Variants in PLAG1 observed in about 807,000 individuals in gnomAD.
PLAG1 encodes zinc finger protein PLAG1.
In PLAG1, 7 loss-of-function variants were observed where a neutral mutation model predicts 35.5. The observed-to-expected ratio is 0.20, with a 90% CI of 0.11 to 0.37. PLAG1 has a LOEUF of 0.37. PLAG1 is among the 10% of genes least tolerant of loss of function. The pLI, the probability that PLAG1 is intolerant of heterozygous loss-of-function variation, is 1.00. For synonymous variants in PLAG1, 229 were observed against 225.4 expected (o/e 1.02, Z -0.14); for missense variants, 454 against 602.8 (o/e 0.75, Z 2.58).
intron 1 of PLAG1, among the ~76,000 whole-genome samples, chr8:56,204,399 A>G (rs1812642425): frequency 6.6e-6 from 1 of 151,890 alleles, no homozygotes; most frequent in Non-Finnish European, 1.5e-5. Context: ...GAACTATCTT[A>G]AGTTTCCAGG....
chr8:56,166,528 G>A lies in PLAG1; in HGVS notation c.1218C>T (p.Ser406=), dbSNP rs768984120. 4.3e-6 allele frequency: 7 copies of A among 1,614,022 alleles called. No individual in the cohort carries two copies. The South Asian group carries it at 5.5e-5, about 13-fold the overall frequency. ...GDLSLSKSSI[S]ISDPLNTPAL... ...CTGGTGTGTTTAGGGGGTCACTGAT[G>A]GAGATAGAGCTTTTGGATAGGGAGA... The change falls in exon 5 of 5, where the codon TCC becomes TCT. Residue 406 remains serine (S), a synonymous_variant. Coordinates refer to ENST00000316981, the MANE Select transcript of PLAG1 (RefSeq NM_002655.3).
intron 1 of PLAG1, among the ~76,000 whole-genome samples, chr8:56,193,192 T>C (rs1418609629): frequency 6.6e-6 from 1 of 152,116 alleles, no homozygotes; most frequent in Non-Finnish European, 1.5e-5. Context: ...ACAAATGATA[T>C]GAAATAACTG....
At chr8:56,200,074 CCT>C (rs536473567) in intron 1 of PLAG1, among the ~76,000 whole-genome samples, 15 of 152,258 alleles carry the variant, frequency 9.9e-5, no homozygotes, top group East Asian at 7.7e-4. Flanking sequence ...TCTGCTCACC[CCT>C]GACACCCTGA....
chr8:56,191,096 C>T (rs184561168), intron 1 of PLAG1, among the ~76,000 whole-genome samples: 1 of 152,308 alleles, frequency 6.6e-6, no homozygotes, highest in African/African-American at 2.4e-5. Flanking sequence ...AGGCCCTGGA[C>T]TCATGCCATC....
At chr8:56,184,510 C>T (rs1257602962) in intron 1 of PLAG1, among the ~76,000 whole-genome samples, 4 of 152,214 alleles carry the variant, frequency 2.6e-5, no homozygotes, top group Non-Finnish European at 5.9e-5. Context: ...AAACATAGGT[C>T]TTCACAAAGA....
chr8:56,162,124 A>C lies in PLAG1; in HGVS notation c.*4119T>G, dbSNP rs1308325528. On this transcript the variant is annotated 3_prime_UTR_variant, in exon 5 of 5. Transcript: ENST00000316981. ...TTATGTAGATCTATGTGATCACAACAGACTTATCTGTGTTGTAGACATGGC... is the reference window on the plus strand; with the variant it reads ...TTATGTAGATCTATGTGATCACAACCGACTTATCTGTGTTGTAGACATGGC... The C allele has an allele frequency of 4.4e-6, 1 of 227,856 alleles. No homozygotes were observed. 14.1% of individuals were successfully genotyped at this position (227,856 alleles called of 1,614,324 possible). A position where few individuals can be genotyped will look rare whatever the true frequency, so the allele number is the denominator to read the frequency against.
chr8:56,189,189 C>A (rs973315841), intron 1 of PLAG1, among the ~76,000 whole-genome samples: 43 of 152,318 alleles, frequency 2.8e-4, no homozygotes, highest in African/African-American at 1.0e-3. Context: ...AATGAACCCA[C>A]GGAAGAAAAC....
chr8:56,166,861 A>G lies in PLAG1; in HGVS notation c.885T>C (p.Phe295=). The stretch of plus-strand genomic sequence containing the variant: ...CAGATCCCGAGCTCTGCATGGACTG[A>G]AATGGAGTGTTGTAGAGGTTTAACT... ...TLQLNLYNTP[F]QSMQSSGSAH... is the part of the protein sequence containing the mutation. Residue 295 remains phenylalanine (F), a synonymous_variant, in exon 5 of 5, where the codon TTT becomes TTC. Transcript: ENST00000316981. The G allele has an allele frequency of 6.2e-7, 1 of 1,614,136 alleles. No individual in the cohort carries two copies. The highest frequency in any genetic ancestry group is 2.2e-5 in the East Asian group (1 of 44,872).
rs974160454 is a variant in PLAG1 at position 56,164,177 on chromosome 8, T to C, written c.*2066A>G. ...TTGGAACACACTTTTTTAATAAATGTAATTTTTCATAATAAAATTTAAATA... is the reference window on the plus strand; with the variant it reads ...TTGGAACACACTTTTTTAATAAATGCAATTTTTCATAATAAAATTTAAATA... On this transcript the variant is annotated 3_prime_UTR_variant, in exon 5 of 5. Transcript: ENST00000316981. The C allele has an allele frequency of 5.3e-6, 1 of 189,060 alleles. No homozygotes were observed. Among genetic ancestry groups the C allele is most frequent in the African/African-American group, 2.3e-5 (1 of 42,860 alleles). 11.7% of individuals were successfully genotyped at this position (189,060 alleles called of 1,614,324 possible).
At chr8:56,178,058 C>A in intron 2 of PLAG1, 2 of 946,176 alleles carry the variant, frequency 2.1e-6, no homozygotes, top group Non-Finnish European at 2.5e-6. Flanking sequence ...TGTTCCATAG[C>A]TCCTTAAGCA....
intron 1 of PLAG1, among the ~76,000 whole-genome samples, chr8:56,207,182 C>T (rs1186917257): frequency 2.0e-5 from 3 of 151,984 alleles, no homozygotes; most frequent in Middle Eastern, 3.4e-3. Flanking sequence ...ATTTTGACTA[C>T]ACAGCTCAAG....
intron 1 of PLAG1, among the ~76,000 whole-genome samples, chr8:56,191,220 TGAA>T: frequency 6.6e-6 from 1 of 151,976 alleles, no homozygotes; most frequent in Non-Finnish European, 1.5e-5. Context: ...AGCAGGAAGA[TGAA>T]GTAGAGAGCA....
At chr8:56,180,188 G>A (rs147511210) in intron 1 of PLAG1, among the ~76,000 whole-genome samples, 178 of 152,294 alleles carry the variant, frequency 1.2e-3, no homozygotes, top group African/African-American at 3.9e-3. Context: ...GATCTCTAGG[G>A]ATATTAACTA....
At chr8:56,172,058 G>A (rs1326142895) in intron 2 of PLAG1, among the ~76,000 whole-genome samples, 3 of 152,152 alleles carry the variant, frequency 2.0e-5, no homozygotes, top group Non-Finnish European at 4.4e-5. Context: ...GTATTTTAAA[G>A]ATGAACATTC....
chr8:56,178,716 G>A (rs1811780070), intron 2 of PLAG1, among the ~76,000 whole-genome samples: 2 of 151,522 alleles, frequency 1.3e-5, no homozygotes, highest in South Asian at 2.1e-4. Context: ...CAGTCTCCCC[G>A]TCCTAGGGCT....
chr8:56,168,184 T>G lies in PLAG1; in HGVS notation c.86A>C (p.Lys29Thr). 6.2e-7 allele frequency: 1 copy of G among 1,613,948 alleles called. No homozygotes were observed. The highest frequency in any genetic ancestry group is 1.7e-5 in the Admixed American group (1 of 59,992). Residue 29 changes from lysine to threonine, a missense_variant, in exon 4 of 5, where the codon AAA (lysine) becomes ACA (threonine). Coordinates refer to ENST00000316981, the MANE Select transcript of PLAG1 (RefSeq NM_002655.3). ...TTGGCAAGGAAAGTTTTTTCTTGGT[T>G]TGGTTTCACCACGCTTACGTTTCCC... ...PSGKRKRGET[K>T]PRKNFPCQLC...
intron 1 of PLAG1, among the ~76,000 whole-genome samples, chr8:56,187,299 A>G (rs999523514): frequency 6.6e-6 from 1 of 152,186 alleles, no homozygotes; most frequent in Non-Finnish European, 1.5e-5. Context: ...TTGCAATGCT[A>G]CTTTAAAACT....
chr8:56,179,545 C>T lies in PLAG1; in HGVS notation c.-321-32G>A, dbSNP rs143412416. On this transcript the variant is annotated intron_variant, in intron 1 of 4. Coordinates refer to ENST00000316981, the MANE Select transcript of PLAG1 (RefSeq NM_002655.3). ...AGAAAAGAAGAGTTAGTTTTAAATT[C>T]CAAAAGTCAGGCCAATCTGGTTAAT... is the stretch of plus-strand genomic sequence containing the variant. The T allele has an allele frequency of 7.8e-4, 481 of 617,848 alleles. 1 individual carries two copies. The African/African-American group carries it at 9.0e-3, about 12-fold the overall frequency. 38.3% of individuals were successfully genotyped at this position (617,848 alleles called of 1,614,324 possible). A position where few individuals can be genotyped will look rare whatever the true frequency, so the allele number is the denominator to read the frequency against.
At chr8:56,203,535 T>C (rs544789159) in intron 1 of PLAG1, among the ~76,000 whole-genome samples, 1 of 152,084 alleles carries the variant, frequency 6.6e-6, no homozygotes, top group Non-Finnish European at 1.5e-5. Flanking sequence ...ACAGCATAGT[T>C]AAATCAGTTA....
Sources: gnomAD v4.1 joint callset for allele counts (sites outside exome capture counted in the v4.1 genomes callset) on GRCh38, gnomAD v4.1.1 for gene constraint, MANE v1.5 for transcripts, NCBI Gene and HGNC (gene_info 2026-07-23, HGNC 2026-07-21) for gene names.